The following KCNK2 variants were observed in gnomAD, a reference collection of about 807,000 sequenced individuals.
The protein encoded by KCNK2 is potassium channel subfamily K member 2.
A neutral mutation model predicts 40.5 loss-of-function variants in KCNK2; 21 were observed. The ratio of observed to expected loss-of-function variants is 0.52; its 90% CI spans 0.37 to 0.75. The LOEUF (loss-of-function observed/expected upper bound fraction) is 0.75, where lower values mean the gene tolerates loss of function less well. Ranked by LOEUF, KCNK2 falls within the 30% of genes least tolerant of loss-of-function variation. KCNK2 has a pLI of 0.00. For missense variants in KCNK2, 399 were observed against 531.6 expected, an observed-to-expected ratio of 0.75 and a Z score of 2.45; for synonymous variants, 191 against 202.2, an observed-to-expected ratio of 0.94 and a Z score of 0.47.
chr1:215,077,276 C>T (rs527444385), intron 1 of KCNK2, among the ~76,000 whole-genome samples: 2 of 152,210 alleles, frequency 1.3e-5, no homozygotes, highest in Admixed American at 6.5e-5. Flanking sequence ...GACATTTCAT[C>T]GAAGTACTGC....
chr1:215,206,977 C>A (rs1179427196), intron 6 of KCNK2, among the ~76,000 whole-genome samples: 1 of 152,168 alleles, frequency 6.6e-6, no homozygotes, highest in East Asian at 1.9e-4. Context: ...TTGGCCATTT[C>A]ACTTCTCAAT....
At chr1:215,159,265 G>A (rs1385467229) in intron 3 of KCNK2, among the ~76,000 whole-genome samples, 1 of 152,144 alleles carries the variant, frequency 6.6e-6, no homozygotes, top group Admixed American at 6.5e-5. Context: ...CAAGGTGCCA[G>A]TCATGGCAGA....
intron 1 of KCNK2, among the ~76,000 whole-genome samples, chr1:215,045,646 A>G (rs1020954972): frequency 7.2e-5 from 11 of 152,226 alleles, no homozygotes; most frequent in Non-Finnish European, 1.3e-4. Flanking sequence ...TCCTTGAATT[A>G]TCTAAAAGCC....
intron 2 of KCNK2, among the ~76,000 whole-genome samples, chr1:215,103,044 G>A (rs1660290796): frequency 6.6e-6 from 1 of 151,932 alleles, no homozygotes; most frequent in Non-Finnish European, 1.5e-5. Context: ...AGTTGGTTTG[G>A]TGAAGAATTT....
chr1:215,081,239 C>T (rs922119234), upstream of KCNK2, among the ~76,000 whole-genome samples: 18 of 151,232 alleles, frequency 1.2e-4, no homozygotes, highest in African/African-American at 3.9e-4. Context: ...GATAAAATAC[C>T]TTAGTCATGT....
chr1:215,098,756 C>A (rs1388151419), intron 2 of KCNK2, among the ~76,000 whole-genome samples: 1 of 151,852 alleles, frequency 6.6e-6, no homozygotes, highest in Non-Finnish European at 1.5e-5. Context: ...AGATAATCTT[C>A]TTTTTATGAC....
upstream of KCNK2, among the ~76,000 whole-genome samples, chr1:215,080,735 A>G (rs1187428145): frequency 2.6e-5 from 4 of 152,220 alleles, no homozygotes. Flanking sequence ...GCAAATAGTA[A>G]AACACCTGAC....
At chr1:215,113,203 G>A (rs1429188284) in intron 2 of KCNK2, among the ~76,000 whole-genome samples, 3 of 152,146 alleles carry the variant, frequency 2.0e-5, no homozygotes, top group African/African-American at 4.8e-5. Context: ...TTATGAGTTA[G>A]TTCTTTAAAA....
rs780429822 is a variant in KCNK2 at position 215,234,956 on chromosome 1, G to A, written c.1092G>A (p.Lys364=). Residue 364 remains lysine (K), a synonymous_variant, in exon 7 of 7, where the codon AAG becomes AAA. Coordinates refer to ENST00000444842, the MANE Select transcript of KCNK2 (RefSeq NM_001017425.3). ...AGCGGGCCACCTCCATCAAGCGGAA[G>A]CTCTCGGCAGAACTGGCTGGAAACC... ...KFQRATSIKR[K]LSAELAGNHN... 3.7e-6 allele frequency: 6 copies of A among 1,613,958 alleles called. No homozygotes were observed. Among genetic ancestry groups the A allele is most frequent in the Non-Finnish European group, 5.1e-6 (6 of 1,180,012 alleles).
intron 1 of KCNK2, among the ~76,000 whole-genome samples, chr1:215,036,053 A>AT (rs547659355): frequency 6.6e-6 from 1 of 150,750 alleles, no homozygotes; most frequent in African/African-American, 2.4e-5. Context: ...CCAATTTATA[A>AT]TTTTTTTATG....
chr1:215,167,334 C>CAA (rs34996326), intron 3 of KCNK2, among the ~76,000 whole-genome samples: 5 of 147,182 alleles, frequency 3.4e-5, no homozygotes, highest in Non-Finnish European at 7.5e-5. Flanking sequence ...GTAACAACGA[C>CAA]AAAAAAAAAA....
rs1381483460 is a variant in KCNK2, at chr1:215,082,892, C to G, written c.-494C>G. 6.6e-6 allele frequency among the ~76,000 whole-genome samples: 1 copy of G among 151,638 alleles called. No individual in the cohort carries two copies. The highest frequency in any genetic ancestry group is 1.5e-5 in the Non-Finnish European group (1 of 67,908). ...CAAAGACATGCGAAGAGGGGCTGAA[C>G]GAGGCTCGCGCACAAAGACGCCGGG... On this transcript the variant is annotated 5_prime_UTR_variant, in exon 1 of 7. Transcript: ENST00000444842.
At chr1:215,154,871 C>T (rs370427090) in intron 3 of KCNK2, among the ~76,000 whole-genome samples, 9 of 152,178 alleles carry the variant, frequency 5.9e-5, no homozygotes, top group South Asian at 2.1e-4. Context: ...TCAGATTTGT[C>T]GAAGATCAGA....
At chr1:215,230,501 A>ACACGCG (rs529812751) in intron 6 of KCNK2, among the ~76,000 whole-genome samples, 1 of 105,154 alleles carries the variant, frequency 9.5e-6, no homozygotes, top group Admixed American at 1.2e-4. Flanking sequence ...ACACACACAC[A>ACACGCG]CGGCTGTATA....
intron 1 of KCNK2, among the ~76,000 whole-genome samples, chr1:215,029,554 T>C (rs1657113081): frequency 6.8e-6 from 1 of 146,878 alleles, no homozygotes; most frequent in African/African-American, 2.5e-5. Context: ...ATATATCAAA[T>C]ATATTAATAT....
chr1:215,053,720 A>C (rs1293293007), intron 1 of KCNK2, among the ~76,000 whole-genome samples: 3 of 152,236 alleles, frequency 2.0e-5, no homozygotes, highest in Admixed American at 1.3e-4. Context: ...TGAACTCAGT[A>C]CAATCCCTGG....
chr1:215,064,856 C>G (rs1658483941), intron 1 of KCNK2, among the ~76,000 whole-genome samples: 1 of 152,176 alleles, frequency 6.6e-6, no homozygotes, highest in Non-Finnish European at 1.5e-5. Context: ...AGAAAAGATT[C>G]TAACTTCCTC....
At chr1:215,020,527 G>A (rs1160886113) in intron 1 of KCNK2, among the ~76,000 whole-genome samples, 1 of 152,124 alleles carries the variant, frequency 6.6e-6, no homozygotes, top group African/African-American at 2.4e-5. Context: ...CTGAGTTCAA[G>A]CGATTATTGT....
At position 215,083,221 on chromosome 1, in the gene KCNK2, G is replaced by GC; in HGVS notation, c.-161dup. 3 of 537,710 alleles carry GC rather than the reference G, an allele frequency of 5.6e-6. No homozygotes were observed. Among genetic ancestry groups the GC allele is most frequent in the Non-Finnish European group, 5.4e-6 (2 of 372,906 alleles). 33.3% of individuals were successfully genotyped at this position (537,710 alleles called of 1,614,324 possible). On this transcript the variant is annotated 5_prime_UTR_variant, in exon 1 of 7. Transcript: ENST00000444842. ...CCCCCCCCGCCCCCTCCCGCGTCCA[G>GC]CCCCGCTCTCCCCACCTTGTAAAAC...
Sources: allele counts gnomAD v4.1 joint callset (sites outside exome capture counted in the v4.1 genomes callset), GRCh38; gene constraint gnomAD v4.1.1; transcripts MANE v1.5; gene names NCBI Gene and HGNC (gene_info 2026-07-23, HGNC 2026-07-21).